The following EPHA6 variants were observed in gnomAD, a reference collection of about 807,000 sequenced individuals.
The protein encoded by EPHA6 is ephrin type-A receptor 6.
In EPHA6, 50 loss-of-function variants were observed where a neutral mutation model predicts 112.0. The ratio of observed to expected loss-of-function variants is 0.45; its 90% confidence interval spans 0.36 to 0.56. EPHA6 has a LOEUF of 0.56. Ranked by LOEUF, EPHA6 falls within the 20% of genes least tolerant of loss-of-function variation. The pLI, the probability that EPHA6 is intolerant of heterozygous loss-of-function variation, is 0.00. For missense variants in EPHA6, 1,280 were observed against 1,417.4 expected (o/e 0.90, Z 1.56); for synonymous variants, 529 against 490.7 (o/e 1.08, Z -1.03).
chr3:97,391,582 G>A (rs1361022093), intron 5 of EPHA6, among the ~76,000 whole-genome samples: 5 of 151,878 alleles, frequency 3.3e-5, no homozygotes, highest in African/African-American at 9.7e-5. Flanking sequence ...AAGTAGAAAA[G>A]TGCGGTACAA....
At chr3:97,270,336 C>A (rs2079837337) in intron 5 of EPHA6, among the ~76,000 whole-genome samples, 1 of 152,104 alleles carries the variant, frequency 6.6e-6, no homozygotes, top group Admixed American at 6.6e-5. Flanking sequence ...AAAGAATCTC[C>A]TTCAGGGTAT....
chr3:97,545,021 G>A (rs556769028), intron 11 of EPHA6, among the ~76,000 whole-genome samples: 44 of 152,240 alleles, frequency 2.9e-4, no homozygotes, highest in Non-Finnish European at 5.4e-4. Context: ...CCAGCTCCTG[G>A]ATTCATTAAT....
intron 3 of EPHA6, among the ~76,000 whole-genome samples, chr3:97,006,603 C>T (rs1358455199): frequency 6.6e-6 from 1 of 151,794 alleles, no homozygotes; most frequent in African/African-American, 2.4e-5. Context: ...GTCTCTATCT[C>T]TTTCAGTTCT....
At chr3:97,048,968 A>G (rs1377424105) in intron 3 of EPHA6, among the ~76,000 whole-genome samples, 3 of 152,324 alleles carry the variant, frequency 2.0e-5, no homozygotes, top group African/African-American at 7.2e-5. Context: ...TTAAGTAAAG[A>G]CACGAAGGAG....
chr3:97,741,737 C>T (rs906827294), intron 16 of EPHA6, among the ~76,000 whole-genome samples: 1 of 152,094 alleles, frequency 6.6e-6, no homozygotes, highest in Non-Finnish European at 1.5e-5. Context: ...TAGTACAACA[C>T]TGCTTCAAAA....
At position 97,240,879 on chromosome 3, in the gene EPHA6, G is replaced by C. The variant is rs148413079; in HGVS notation, c.1271-3073G>C. Among the ~76,000 whole-genome samples the C allele has an allele frequency of 1.9e-3, 283 of 151,904 alleles. 1 individual carries two copies. The highest frequency in any genetic ancestry group is 0.016 in the East Asian group (84 of 5,168). ...ATTTGAGCAACAAACTGATTTTTGTGTGATATTTCATGGGACTAGAAGGAT... is the reference window on the plus strand; with the variant it reads ...ATTTGAGCAACAAACTGATTTTTGTCTGATATTTCATGGGACTAGAAGGAT... On this transcript the variant is annotated intron_variant, in intron 4 of 17. Transcript: ENST00000389672.
At chr3:97,032,499 G>A (rs528379077) in intron 3 of EPHA6, among the ~76,000 whole-genome samples, 1 of 151,914 alleles carries the variant, frequency 6.6e-6, no homozygotes, top group Admixed American at 6.6e-5. Flanking sequence ...TTTTGCTTGC[G>A]AGCTAGATCC....
chr3:97,032,821 G>C (rs1360505097), intron 3 of EPHA6, among the ~76,000 whole-genome samples: 1 of 151,890 alleles, frequency 6.6e-6, no homozygotes, highest in Non-Finnish European at 1.5e-5. Flanking sequence ...GCGATAAAAG[G>C]CAAAATATTT....
intron 14 of EPHA6, among the ~76,000 whole-genome samples, chr3:97,681,168 AAAAC>A (rs2031832721): frequency 6.6e-6 from 1 of 152,150 alleles, no homozygotes; most frequent in Admixed American, 6.6e-5. Flanking sequence ...AATGCAAACT[AAAAC>A]AAAACTGTGT....
chr3:97,487,056 A>C (rs542913062), intron 10 of EPHA6, among the ~76,000 whole-genome samples: 1 of 152,312 alleles, frequency 6.6e-6, no homozygotes, highest in African/African-American at 2.4e-5. Flanking sequence ...GATGCTAGAC[A>C]GAGGTGAAGT....
intron 11 of EPHA6, among the ~76,000 whole-genome samples, chr3:97,538,036 A>G (rs2092788046): frequency 6.6e-6 from 1 of 152,216 alleles, no homozygotes; most frequent in Non-Finnish European, 1.5e-5. Flanking sequence ...AGAGTATTCT[A>G]GAGAGAGGAA....
chr3:97,550,889 G>C (rs1487338626), intron 11 of EPHA6, among the ~76,000 whole-genome samples: 1 of 149,848 alleles, frequency 6.7e-6, no homozygotes, highest in African/African-American at 2.5e-5. Context: ...GGAAAGGAGA[G>C]GAAAAGAGTG....
chr3:97,571,855 A>G (rs563642764), intron 11 of EPHA6, among the ~76,000 whole-genome samples: 2 of 152,348 alleles, frequency 1.3e-5, no homozygotes, highest in South Asian at 4.1e-4. Context: ...ATAAACATCA[A>G]GGTCAATGTG....
At chr3:97,674,177 G>A (rs1014161235) in intron 14 of EPHA6, among the ~76,000 whole-genome samples, 1 of 152,146 alleles carries the variant, frequency 6.6e-6, no homozygotes, top group African/African-American at 2.4e-5. Context: ...TGTTAACAAT[G>A]CTGTACTTGT....
chr3:97,327,666 C>A (rs1051980781), intron 5 of EPHA6, among the ~76,000 whole-genome samples: 9 of 151,804 alleles, frequency 5.9e-5, no homozygotes, highest in Non-Finnish European at 7.4e-5. Context: ...ACATTAAATT[C>A]TCTTCCATTT....
intron 7 of EPHA6, among the ~76,000 whole-genome samples, chr3:97,465,217 G>A (rs1272082473): frequency 3.9e-5 from 6 of 151,918 alleles, no homozygotes; most frequent in Non-Finnish European, 4.4e-5. Flanking sequence ...CTAATATTAA[G>A]CTTCATTTTT....
At chr3:97,632,428 A>G (rs373567991) in intron 13 of EPHA6, among the ~76,000 whole-genome samples, 1 of 152,012 alleles carries the variant, frequency 6.6e-6, no homozygotes, top group East Asian at 1.9e-4. Flanking sequence ...AAGGTTTGAG[A>G]TCTATTTTAG....
intron 11 of EPHA6, among the ~76,000 whole-genome samples, chr3:97,552,287 A>G (rs1480558349): frequency 6.6e-6 from 1 of 152,170 alleles, no homozygotes; most frequent in Non-Finnish European, 1.5e-5. Flanking sequence ...TAGTCTCCAT[A>G]TCTTTGCTAC....
At chr3:96,835,131 T>G (rs2034326840) in intron 1 of EPHA6, among the ~76,000 whole-genome samples, 2 of 152,192 alleles carry the variant, frequency 1.3e-5, no homozygotes, top group South Asian at 4.1e-4. Flanking sequence ...CAAACCTAGT[T>G]CCCTACCTTT....
Sources: gnomAD v4.1 joint callset for allele counts (sites outside exome capture counted in the v4.1 genomes callset) on GRCh38, gnomAD v4.1.1 for gene constraint, MANE v1.5 for transcripts, NCBI Gene and HGNC (gene_info 2026-07-23, HGNC 2026-07-21) for gene names.